HCN1: variants seen among roughly 807,000 people sequenced by gnomAD.
The protein encoded by HCN1 is hyperpolarization activated cyclic nucleotide gated potassium channel 1.
In HCN1, 13 loss-of-function variants were observed where a neutral mutation model predicts 78.9. The ratio of observed to expected loss-of-function variants is 0.16; its 90% CI spans 0.11 to 0.26. The LOEUF is 0.26. HCN1 is among the 10% of genes least tolerant of loss of function. The pLI, the probability that HCN1 is intolerant of heterozygous loss-of-function variation, is 1.00. For missense variants in HCN1, 810 were observed against 1,154.3 expected, an observed-to-expected ratio of 0.70 and a Z score of 4.32; for synonymous variants, 552 against 455.5, an observed-to-expected ratio of 1.21 and a Z score of -2.70.
intron 1 of HCN1, among the ~76,000 whole-genome samples, chr5:45,673,559 T>C (rs1414596811): frequency 6.6e-6 from 1 of 151,586 alleles, no homozygotes; most frequent in Non-Finnish European, 1.5e-5. Context: ...TTCAATTTGT[T>C]CCATCTTTGG....
intron 2 of HCN1, among the ~76,000 whole-genome samples, chr5:45,564,196 A>G (rs1176211461): frequency 6.6e-6 from 1 of 152,158 alleles, no homozygotes; most frequent in African/African-American, 2.4e-5. Flanking sequence ...ATACCTCAAA[A>G]ACTTTGTCTC....
intron 2 of HCN1, among the ~76,000 whole-genome samples, chr5:45,491,280 T>TA (rs1483449933): frequency 1.4e-4 from 22 of 152,174 alleles, no homozygotes; most frequent in Non-Finnish European, 3.1e-4. Flanking sequence ...TGGTAAGTCT[T>TA]ACGTCAAGCT....
chr5:45,334,138 G>A (rs937136184), intron 5 of HCN1, among the ~76,000 whole-genome samples: 3 of 151,724 alleles, frequency 2.0e-5, no homozygotes, highest in African/African-American at 7.3e-5. Flanking sequence ...ATAAAAACAA[G>A]CTTATATTTT....
At chr5:45,652,114 A>G (rs1329501778) in intron 1 of HCN1, among the ~76,000 whole-genome samples, 1 of 152,014 alleles carries the variant, frequency 6.6e-6, no homozygotes, top group East Asian at 1.9e-4. Context: ...AATGAAATAG[A>G]AATTTAAAAC....
chr5:45,459,712 T>C (rs1421244340), intron 3 of HCN1, among the ~76,000 whole-genome samples: 2 of 152,100 alleles, frequency 1.3e-5, no homozygotes, highest in African/African-American at 4.8e-5. Flanking sequence ...ATGATGACAA[T>C]TGGTATTTTT....
chr5:45,308,889 C>A (rs1745791752), intron 5 of HCN1, among the ~76,000 whole-genome samples: 1 of 152,036 alleles, frequency 6.6e-6, no homozygotes, highest in Non-Finnish European at 1.5e-5. Context: ...ACAGTTTTTT[C>A]TAGTTCTGTG....
At chr5:45,299,631 A>G (rs1305646623) in intron 6 of HCN1, among the ~76,000 whole-genome samples, 2 of 151,930 alleles carry the variant, frequency 1.3e-5, no homozygotes, top group Non-Finnish European at 2.9e-5. Flanking sequence ...GAACTGAATG[A>G]TTACTCCTAA....
intron 2 of HCN1, among the ~76,000 whole-genome samples, chr5:45,605,779 T>C (rs1294614599): frequency 6.6e-6 from 1 of 151,952 alleles, no homozygotes; most frequent in Non-Finnish European, 1.5e-5. Context: ...AAAGAGTAGA[T>C]GTATCACTCT....
At chr5:45,374,142 T>TA (rs1747530606) in intron 4 of HCN1, among the ~76,000 whole-genome samples, 2 of 112,906 alleles carry the variant, frequency 1.8e-5, no homozygotes, top group Non-Finnish European at 3.4e-5. Context: ...ATTATATACA[T>TA]ATTATATATA....
At chr5:45,526,892 C>T (rs1742747262) in intron 2 of HCN1, among the ~76,000 whole-genome samples, 1 of 151,870 alleles carries the variant, frequency 6.6e-6, no homozygotes, top group Non-Finnish European at 1.5e-5. Flanking sequence ...ACCCCTGCCA[C>T]ACAGAGGTAT....
At chr5:45,615,634 A>G (rs1744929432) in intron 2 of HCN1, among the ~76,000 whole-genome samples, 1 of 152,036 alleles carries the variant, frequency 6.6e-6, no homozygotes, top group Non-Finnish European at 1.5e-5. Flanking sequence ...GAATAAAGCT[A>G]TATTAATGAT....
At chr5:45,654,371 T>A (rs1300366313) in intron 1 of HCN1, among the ~76,000 whole-genome samples, 1 of 152,140 alleles carries the variant, frequency 6.6e-6, no homozygotes, top group East Asian at 1.9e-4. Context: ...GGTGTTTAAA[T>A]TTAGAGCTCT....
intron 2 of HCN1, among the ~76,000 whole-genome samples, chr5:45,474,153 C>G (rs1741466470): frequency 6.6e-6 from 1 of 151,812 alleles, no homozygotes; most frequent in Non-Finnish European, 1.5e-5. Context: ...ATAATCAAGG[C>G]ACTCCATAAC....
intron 4 of HCN1, among the ~76,000 whole-genome samples, chr5:45,385,199 G>A (rs1747887454): frequency 6.6e-6 from 1 of 152,030 alleles, no homozygotes; most frequent in Non-Finnish European, 1.5e-5. Context: ...CTAAAACTGG[G>A]TTGAGAATGG....
intron 2 of HCN1, among the ~76,000 whole-genome samples, chr5:45,493,685 G>A (rs1354776694): frequency 1.3e-5 from 2 of 151,006 alleles, no homozygotes; most frequent in East Asian, 3.9e-4. Context: ...GTGCCATGCT[G>A]GTGCGCTGCA....
chr5:45,275,271 T>C (rs1212735269), intron 6 of HCN1, among the ~76,000 whole-genome samples: 1 of 148,440 alleles, frequency 6.7e-6, no homozygotes, highest in African/African-American at 2.5e-5. Context: ...AGGAAATAAG[T>C]GAATCAATCA....
chr5:45,368,313 A>T (rs1286694942), intron 4 of HCN1, among the ~76,000 whole-genome samples: 6 of 152,052 alleles, frequency 3.9e-5, no homozygotes, highest in Non-Finnish European at 8.8e-5. Flanking sequence ...ACTGCTAATG[A>T]ACATTTTCTT....
At chr5:45,473,658 T>C (rs577244212) in intron 2 of HCN1, among the ~76,000 whole-genome samples, 1 of 151,884 alleles carries the variant, frequency 6.6e-6, no homozygotes, top group Admixed American at 6.6e-5. Context: ...TATGTCTGTT[T>C]TTCCTCACCA....
At chr5:45,598,171 CA>C (rs1292409621) in intron 2 of HCN1, among the ~76,000 whole-genome samples, 2 of 152,194 alleles carry the variant, frequency 1.3e-5, no homozygotes, top group Admixed American at 6.5e-5. Context: ...AACTATACTA[CA>C]AGGCTACAGC....
Sources: allele counts gnomAD v4.1 joint callset (sites outside exome capture counted in the v4.1 genomes callset), GRCh38; gene constraint gnomAD v4.1.1; transcripts MANE v1.5; gene names NCBI Gene and HGNC (gene_info 2026-07-23, HGNC 2026-07-21).